CEP350: variants seen among roughly 807,000 people sequenced by gnomAD.
The protein encoded by CEP350 is centrosome-associated protein 350.
A neutral mutation model predicts 331.8 loss-of-function variants in CEP350; 126 were observed. The observed-to-expected ratio is 0.38, with a 90% confidence interval of 0.33 to 0.44. The LOEUF is 0.44. Ranked by LOEUF, CEP350 falls within the 20% of genes least tolerant of loss-of-function variation. CEP350 has a pLI of 1.00. For synonymous variants in CEP350, 1,200 were observed against 1,259.5 expected, an observed-to-expected ratio of 0.95 and a Z score of 1.00; for missense variants, 3,406 against 3,634.6, an observed-to-expected ratio of 0.94 and a Z score of 1.62.
chr1:180,065,034 CTTAAT>C, intron 26 of CEP350, 76 bp from the exon 27 acceptor site: 1 of 1,373,106 alleles, frequency 7.3e-7, no homozygotes. Flanking sequence ...TGTGGATAAA[CTTAAT>C]TTTGAATTGA....
intron 12 of CEP350, among the ~76,000 whole-genome samples, chr1:180,022,383 T>G (rs530481412): frequency 6.6e-6 from 1 of 152,204 alleles, no homozygotes; most frequent in Non-Finnish European, 1.5e-5. Flanking sequence ...TAAAATAGTC[T>G]GGGGGGTGGG....
chr1:179,971,593 T>C (rs954954724), intron 1 of CEP350, among the ~76,000 whole-genome samples: 4 of 152,204 alleles, frequency 2.6e-5, no homozygotes, highest in Admixed American at 2.6e-4. Flanking sequence ...CCCAAAGCGC[T>C]GGGATTACAG....
chr1:180,108,542 T>G (rs376220505), intron 37 of CEP350, among the ~76,000 whole-genome samples: 1 of 152,090 alleles, frequency 6.6e-6, no homozygotes, highest in Non-Finnish European at 1.5e-5. Context: ...AGAACTGTTA[T>G]AGAAAGGAAA....
chr1:180,090,843 G>T (rs1358871055), intron 33 of CEP350, 47 bp downstream of exon 33: 1 of 1,452,292 alleles, frequency 6.9e-7, no homozygotes. Flanking sequence ...ATAGTCTAAG[G>T]ATTTATGCAA....
At chr1:180,041,889 T>G in intron 19 of CEP350, 87 bp downstream of exon 19, 1 of 1,219,712 alleles carries the variant, frequency 8.2e-7, no homozygotes, top group Non-Finnish European at 1.2e-6. Context: ...TTCTAATATC[T>G]TAGTAAATGC....
chr1:180,011,961 C>A lies in CEP350; in HGVS notation c.1279C>A (p.Arg427=), dbSNP rs958142042. The A allele has an allele frequency of 3.7e-6, 6 of 1,601,696 alleles. No homozygotes were observed. The Admixed American group carries it at 1.0e-4, about 27-fold the overall frequency. ...SSHLISTSSW[R]DGQKLVKKIL... Reference sequence around the variant, plus strand: ...TCATCTTATAAGTACATCTTCTTGGCGAGATGGACAAAAATTAGTAAAGAA... The same window carrying A: ...TCATCTTATAAGTACATCTTCTTGGAGAGATGGACAAAAATTAGTAAAGAA... The change falls in exon 9 of 38, where the codon CGA becomes AGA. Residue 427 remains arginine, a synonymous_variant. Coordinates refer to ENST00000367607, the MANE Select transcript of CEP350 (RefSeq NM_014810.5).
At position 180,078,646 on chromosome 1, in the gene CEP350, T is replaced by G; in HGVS notation, c.5951T>G (p.Leu1984Arg). ...GAAGAAATGATTTGTTCACAGGAAC[T>G]AGAATCTTCTACCTCTCCTAGTAAA... ...LTEEMICSQE[L>R]ESSTSPSKHS... The change falls in exon 29 of 38, where the codon CTA becomes CGA. Residue 1984 changes from leucine to arginine, a missense_variant. By Grantham distance (102) the Leu-to-Arg change is moderately radical (BLOSUM62 -2). This residue lies in a region of CEP350 where 1,415 missense variants were observed against 1,512.3 expected (regional missense o/e 0.94). Transcript: ENST00000367607. The G allele has an allele frequency of 6.2e-7, 1 of 1,609,318 alleles. No homozygotes were observed. The highest frequency in any genetic ancestry group is 8.5e-7 in the Non-Finnish European group (1 of 1,177,518).
chr1:179,984,411 G>A (rs1283309595), intron 1 of CEP350, among the ~76,000 whole-genome samples: 1 of 152,212 alleles, frequency 6.6e-6, no homozygotes, highest in African/African-American at 2.4e-5. Flanking sequence ...TTGGTCTGGA[G>A]GATCTACTTG....
intron 1 of CEP350, among the ~76,000 whole-genome samples, chr1:179,963,947 T>C (rs574124186): frequency 3.9e-5 from 6 of 152,350 alleles, no homozygotes; most frequent in Admixed American, 1.3e-4. Flanking sequence ...TTCCAATCCA[T>C]GAGCATGGAA....
chr1:179,962,697 T>A (rs1650724525), intron 1 of CEP350, among the ~76,000 whole-genome samples: 1 of 152,194 alleles, frequency 6.6e-6, no homozygotes, highest in Non-Finnish European at 1.5e-5. Context: ...CATGAGCCAC[T>A]GCTCCCGGCC....
chr1:180,057,963 G>GT, intron 25 of CEP350, among the ~76,000 whole-genome samples: 1 of 152,314 alleles, frequency 6.6e-6, no homozygotes, highest in Non-Finnish European at 1.5e-5. Context: ...GAGAATGTGA[G>GT]TTTGAGATCT....
rs757819005 is a variant in CEP350, at chr1:180,094,266, G to C, written c.8161G>C (p.Asp2721His). 1.2e-6 allele frequency: 2 copies of C among 1,613,348 alleles called. No homozygotes were observed. Among genetic ancestry groups the C allele is most frequent in the African/African-American group, 2.7e-5 (2 of 74,868 alleles). The change falls in exon 34 of 38, where the codon GAT becomes CAT. Residue 2721 changes from aspartate to histidine, a missense_variant. Around this residue, in one of 5 missense-constraint regions of CEP350, gnomAD observed 1,415 missense variants for 1,512.3 expected, o/e 0.94. Coordinates refer to ENST00000367607, the MANE Select transcript of CEP350 (RefSeq NM_014810.5). ...ASEKLCTPLLDLLTREKNQLE... is the reference protein window; with the variant it reads ...ASEKLCTPLLHLLTREKNQLE... ...AGAAAAGCTTTGTACACCACTTCTG[G>C]ATCTTTTAACAAGAGAAAAAAACCA...
intron 34 of CEP350, 122 bp downstream of exon 34, chr1:180,094,738 G>A (rs762023556): frequency 1.3e-5 from 14 of 1,082,014 alleles, no homozygotes; most frequent in Admixed American, 8.7e-5. Flanking sequence ...TTCCCTTGAC[G>A]TGTTGTTTAT....
intron 3 of CEP350, among the ~76,000 whole-genome samples, chr1:179,988,457 T>A (rs2148674695): frequency 6.6e-6 from 1 of 152,346 alleles, no homozygotes; most frequent in African/African-American, 2.4e-5. Flanking sequence ...TTCTGTGGTC[T>A]GATTGCTCTA....
In CEP350 at chr1:180,036,617, A is replaced by C. The variant is rs535103513; in HGVS notation, c.3947-309A>C. Among the ~76,000 whole-genome samples the C allele has an allele frequency of 2.6e-4, 40 of 150,998 alleles. No homozygotes were observed. The South Asian group carries it at 8.1e-3, about 30-fold the overall frequency. On this transcript the variant is annotated intron_variant, in intron 16 of 37. Transcript: ENST00000367607. ...ATTTTTTTAGCAATACAGTATTTTTAAATTAAAGTATGTACTTTTTTTAGA... is the reference window on the plus strand; with the variant it reads ...ATTTTTTTAGCAATACAGTATTTTTCAATTAAAGTATGTACTTTTTTTAGA...
intron 15 of CEP350, among the ~76,000 whole-genome samples, chr1:180,032,941 T>C (rs1301501744): frequency 2.0e-5 from 3 of 152,146 alleles, no homozygotes; most frequent in Admixed American, 2.0e-4. Context: ...CAATAGAAAA[T>C]TAAGGGTCAA....
At chr1:179,972,306 C>T (rs1003137074) in intron 1 of CEP350, among the ~76,000 whole-genome samples, 17 of 151,796 alleles carry the variant, frequency 1.1e-4, no homozygotes, top group African/African-American at 4.1e-4. Context: ...GTCAAATCCT[C>T]CTGAACTTCA....
intron 27 of CEP350, among the ~76,000 whole-genome samples, chr1:180,073,250 T>C (rs1300618357): frequency 6.6e-6 from 1 of 152,216 alleles, no homozygotes; most frequent in Non-Finnish European, 1.5e-5. Flanking sequence ...AAGTTTTATA[T>C]TGTGGAGGTG....
chr1:180,074,897 GAA>G, intron 27 of CEP350, 123 bp from the exon 28 acceptor site: 1 of 721,442 alleles, frequency 1.4e-6, no homozygotes, highest in Non-Finnish European at 2.2e-6. Context: ...TTTTCAGAGA[GAA>G]GAGTAGTATG....
Sources: allele counts gnomAD v4.1 joint callset (sites outside exome capture counted in the v4.1 genomes callset), GRCh38; gene constraint gnomAD v4.1.1; regional missense constraint gnomAD v4.1.1; transcripts MANE v1.5; gene names NCBI Gene and HGNC (gene_info 2026-07-23, HGNC 2026-07-21).